ARL2BP: variants seen among roughly 807,000 people sequenced by gnomAD.
ARL2BP encodes the protein ADP-ribosylation factor-like protein 2-binding protein.
In ARL2BP, 19 loss-of-function variants were observed where a neutral mutation model predicts 24.2. That is an observed-to-expected ratio of 0.79 (90% confidence interval 0.55 to 1.15). The LOEUF is 1.15. Among genes scored for constraint, ARL2BP ranks in the 50% most tolerant of loss-of-function variants. The probability of loss-of-function intolerance (pLI) is 0.00; values close to 1 mark genes in which losing one functional copy is unlikely to be tolerated. For missense variants in ARL2BP, 160 were observed against 190.4 expected (o/e 0.84, Z 0.94); for synonymous variants, 56 against 70.5 (o/e 0.79, Z 1.03).
chr16:57,248,311 C>CA (rs1161528446), intron 2 of ARL2BP: 2,105 of 48,380 alleles, frequency 0.044, 37 homozygotes, highest in Middle Eastern at 0.057. Flanking sequence ...AACTCCAGCT[C>CA]AAAAAAAAAA....
At chr16:57,246,373 C>T in intron 2 of ARL2BP, 1 of 517,996 alleles carries the variant, frequency 1.9e-6, no homozygotes, top group Admixed American at 3.6e-5. Flanking sequence ...GGGACTGACT[C>T]AGGCTAATAG....
At chr16:57,251,408 AAAAAAGAAAAG>A (rs1173934368) in intron 5 of ARL2BP, 1 of 152,436 alleles carries the variant, frequency 6.6e-6, no homozygotes, top group Non-Finnish European at 1.5e-5. Context: ...GTCAAAAAAA[AAAAAAGAAAAG>A]AAAAAGAAAT....
chr16:57,246,239 C>G (rs1480557391), intron 2 of ARL2BP, 98 bp downstream of exon 2: 2 of 1,214,002 alleles, frequency 1.6e-6, no homozygotes, highest in East Asian at 2.3e-5. Context: ...AAACATCAAG[C>G]TGCCTGCAAT....
chr16:57,252,756 A>G lies in ARL2BP; in HGVS notation c.*489A>G, dbSNP rs2075412580. 5.7e-6 allele frequency: 1 copy of G among 174,780 alleles called. No individual in the cohort carries two copies. Among genetic ancestry groups the G allele is most frequent in the Non-Finnish European group, 1.2e-5 (1 of 80,290 alleles). 10.8% of individuals were successfully genotyped at this position (174,780 alleles called of 1,614,324 possible). A position where few individuals can be genotyped will look rare whatever the true frequency, so the allele number is the denominator to read the frequency against. ...GGGTGTTACTCAAGCCCAGTTTGAG[A>G]TTTTGGAGTCTCCTGTGATCACATC... On this transcript the variant is annotated 3_prime_UTR_variant, in exon 6 of 6. Coordinates refer to ENST00000219204, the MANE Select transcript of ARL2BP (RefSeq NM_012106.4).
At chr16:57,250,158 T>G in intron 4 of ARL2BP, 1 of 596,962 alleles carries the variant, frequency 1.7e-6, no homozygotes. Context: ...GGTGTGGTGT[T>G]GCATACCTGT....
intron 3 of ARL2BP, 98 bp from the exon 4 acceptor site, chr16:57,249,669 A>G (rs1294996604): frequency 2.2e-6 from 2 of 923,326 alleles, no homozygotes; most frequent in Non-Finnish European, 3.5e-6. Flanking sequence ...TGGCACACAG[A>G]CCTCAGGAAA....
At chr16:57,250,213 C>A in intron 4 of ARL2BP, 198 bp from the exon 5 acceptor site, 3 of 607,838 alleles carry the variant, frequency 4.9e-6, no homozygotes, top group Non-Finnish European at 8.7e-6. Flanking sequence ...TCCCTTGAGC[C>A]CAGCAGTTCA....
chr16:57,245,897 G>A (rs1048127262), intron 1 of ARL2BP, 183 bp from the exon 2 acceptor site: 12 of 634,416 alleles, frequency 1.9e-5, no homozygotes, highest in Non-Finnish European at 2.5e-5. Context: ...CAAACGTGCC[G>A]AGTGTGTTTT....
chr16:57,252,621 A>T lies in ARL2BP; in HGVS notation c.*354A>T. ...AAGTGTGGACTAACCCGCCGCCACC[A>T]CCCTCTGTTCCAGCAGGCTCTGCAT... is the stretch of plus-strand genomic sequence containing the variant. On this transcript the variant is annotated 3_prime_UTR_variant, in exon 6 of 6. Coordinates refer to ENST00000219204, the MANE Select transcript of ARL2BP (RefSeq NM_012106.4). The T allele has an allele frequency of 3.6e-6, 1 of 279,238 alleles. No individual in the cohort carries two copies. 17.3% of individuals were successfully genotyped at this position (279,238 alleles called of 1,614,324 possible).
In ARL2BP at chr16:57,250,496, G is replaced by T. The variant is rs1213634927; in HGVS notation, c.379G>T (p.Asp127Tyr). 2.5e-6 allele frequency: 4 copies of T among 1,613,836 alleles called. No individual in the cohort carries two copies. The highest frequency in any genetic ancestry group is 2.5e-6 in the Non-Finnish European group (3 of 1,179,886). Residue 127 changes from aspartate (D) to tyrosine (Y), a missense_variant, in exon 5 of 6, where the codon GAC (aspartate) becomes TAC (tyrosine). Transcript: ENST00000219204. ...DFLAFKEMFL[D>Y]YRAEKEGRGL... is the part of the protein sequence containing the mutation. ...TCTGGCTTTTAAAGAAATGTTTTTGGACTACAGAGCAGTAAGTTACTACTC... is the reference window on the plus strand; with the variant it reads ...TCTGGCTTTTAAAGAAATGTTTTTGTACTACAGAGCAGTAAGTTACTACTC...
chr16:57,252,070 C>T lies in ARL2BP; in HGVS notation c.391-96C>T, dbSNP rs1342310780. 5 of 1,018,298 alleles carry T rather than the reference C, an allele frequency of 4.9e-6. No homozygotes were observed. The African/African-American group carries it at 6.4e-5, about 13-fold the overall frequency. The allele number at this position is 1,018,298 out of a possible 1,614,324, so 63.1% of individuals were successfully genotyped here. ...TCCCTTCCTATGTACTCTGGAGGTC[C>T]ACGTTCCCACCTTCAGCTCTGCCTT... On this transcript the variant is annotated intron_variant, in intron 5 of 5. Transcript: ENST00000219204.
chr16:57,245,488 T>A, intron 1 of ARL2BP, 83 bp downstream of exon 1: 1 of 1,540,704 alleles, frequency 6.5e-7, no homozygotes, highest in Admixed American at 2.0e-5. Context: ...ATAAAACAGG[T>A]GTCCTTAGGG....
intron 1 of ARL2BP, 109 bp downstream of exon 1, chr16:57,245,514 G>GC: frequency 6.9e-7 from 1 of 1,455,196 alleles, no homozygotes; most frequent in South Asian, 1.2e-5. Context: ...GCCGGGCCGG[G>GC]CCGGGCAGGG....
At chr16:57,249,702 CT>C in intron 3 of ARL2BP, 64 bp from the exon 4 acceptor site, 1 of 1,318,328 alleles carries the variant, frequency 7.6e-7, no homozygotes, top group South Asian at 1.2e-5. Context: ...GCTGGGCAGG[CT>C]TTCTGAAAAG....
In ARL2BP at chr16:57,248,598, C is replaced by T. The variant is rs2075397986; in HGVS notation, c.162C>T (p.Asp54=). The change falls in exon 3 of 6, where the codon GAC becomes GAT. Residue 54 remains aspartate (D), a synonymous_variant. Transcript: ENST00000219204. ...FMDKYYLEFE[D]TEENKLIYTP... ...ACAAGTACTACCTGGAGTTTGAAGA[C>T]ACAGAAGAGAATAAACTCATCTACA... 2 of 1,599,656 alleles carry T rather than the reference C, an allele frequency of 1.3e-6. No individual in the cohort carries two copies. The highest frequency in any genetic ancestry group is 1.3e-5 in the African/African-American group (1 of 74,078).
At chr16:57,248,398 C>G (rs941301480) in intron 2 of ARL2BP, 139 bp from the exon 3 acceptor site, 6 of 435,518 alleles carry the variant, frequency 1.4e-5, no homozygotes, top group Non-Finnish European at 2.1e-5. Flanking sequence ...CCATTTAATA[C>G]CCCCTTAAAA....
chr16:57,253,480 A>C lies in ARL2BP; in HGVS notation c.*1213A>C, dbSNP rs1476432780. ...GTCCCTTTGATTTTTTTTTTTTAAT[A>C]GTAAAAATAAGAATCTGTACTGACT... On this transcript the variant is annotated 3_prime_UTR_variant, in exon 6 of 6. Transcript: ENST00000219204. 1 of 151,866 alleles carries C rather than the reference A, an allele frequency of 6.6e-6. No individual in the cohort carries two copies. Among genetic ancestry groups the C allele is most frequent in the East Asian group, 1.9e-4 (1 of 5,192 alleles). 9.4% of individuals were successfully genotyped at this position (151,866 alleles called of 1,614,324 possible).
At chr16:57,246,029 T>G (rs749198125) in intron 1 of ARL2BP, 51 bp from the exon 2 acceptor site, 1 of 1,585,212 alleles carries the variant, frequency 6.3e-7, no homozygotes, top group African/African-American at 1.4e-5. Flanking sequence ...ACTAAAAACA[T>G]TTTTTTAATG....
In ARL2BP at chr16:57,249,822, T is replaced by G; in HGVS notation, c.263T>G (p.Phe88Cys). 1 of 1,614,230 alleles carries G rather than the reference T, an allele frequency of 6.2e-7. No individual in the cohort carries two copies. The highest frequency in any genetic ancestry group is 8.5e-7 in the Non-Finnish European group (1 of 1,180,032). Reference sequence around the variant, plus strand: ...CAGCTGCTGCAGCGGATTCCTGAGTTCAACATGGCAGCCTTCACCACAACA... The same window carrying G: ...CAGCTGCTGCAGCGGATTCCTGAGTGCAACATGGCAGCCTTCACCACAACA... ...EEQLLQRIPE[F>C]NMAAFTTTLQ... Residue 88 changes from phenylalanine to cysteine, a missense_variant, in exon 4 of 6, where the codon TTC becomes TGC. By Grantham distance (205) the Phe-to-Cys change is radical. Coordinates refer to ENST00000219204, the MANE Select transcript of ARL2BP (RefSeq NM_012106.4).
Sources: allele counts gnomAD v4.1 joint callset, GRCh38; gene constraint gnomAD v4.1.1; transcripts MANE v1.5; gene names NCBI Gene and HGNC (gene_info 2026-07-23, HGNC 2026-07-21).